The following PLEKHH1 variants were observed in gnomAD, a reference collection of about 807,000 sequenced individuals.
PLEKHH1 encodes the protein pleckstrin homology domain-containing family H member 1.
In PLEKHH1, 104 loss-of-function variants were observed where a neutral mutation model predicts 160.0. The observed-to-expected ratio is 0.65, with a 90% CI of 0.55 to 0.76. The LOEUF (loss-of-function observed/expected upper bound fraction) is 0.76. Among genes scored for constraint, PLEKHH1 ranks in the 30% least tolerant of loss-of-function variants. The pLI, the probability that PLEKHH1 is intolerant of heterozygous loss-of-function variation, is 0.00. For synonymous variants in PLEKHH1, 619 were observed against 678.4 expected (o/e 0.91, Z 1.36); for missense variants, 1,427 against 1,724.1 (o/e 0.83, Z 3.05).
At chr14:67,570,090 G>T in intron 9 of PLEKHH1, 78 bp downstream of exon 9, 1 of 1,016,306 alleles carries the variant, frequency 9.8e-7, no homozygotes, top group Admixed American at 2.0e-5. Flanking sequence ...CTGGGGCGGG[G>T]CTCTAGGGCC....
intron 25 of PLEKHH1, 34 bp downstream of exon 25, chr14:67,583,917 T>C (rs780410714): frequency 2.0e-5 from 33 of 1,611,750 alleles, no homozygotes; most frequent in Non-Finnish European, 2.7e-5. Context: ...AGCAAGTCAC[T>C]GTGGGGAGGT....
rs1446142710 is a variant in PLEKHH1 at position 67,588,063 on chromosome 14, TTGGTA to T, written c.*829_*833del. ...TTTCCCCATTATTGGTATGTAGGCA[TTGGTA>T]CAGCCCCTTCTGGGGCAGTCTTTGC... On this transcript the variant is annotated 3_prime_UTR_variant, in exon 29 of 29. Coordinates refer to ENST00000329153, the MANE Select transcript of PLEKHH1 (RefSeq NM_020715.3). The T allele has an allele frequency of 3.9e-5, 6 of 152,590 alleles. No homozygotes were observed. The highest frequency in any genetic ancestry group is 7.3e-5 in the Non-Finnish European group (5 of 68,046). 9.5% of individuals were successfully genotyped at this position (152,590 alleles called of 1,614,324 possible).
intron 2 of PLEKHH1, among the ~76,000 whole-genome samples, chr14:67,547,087 T>C (rs2034211170): frequency 6.6e-6 from 1 of 152,122 alleles, no homozygotes; most frequent in African/African-American, 2.4e-5. Context: ...CAAGTCTGTC[T>C]CTGATCCTCA....
At position 67,585,572 on chromosome 14, in the gene PLEKHH1, C is replaced by T; in HGVS notation, c.3704C>T (p.Ala1235Val). 1.3e-6 allele frequency: 2 copies of T among 1,576,784 alleles called. No individual in the cohort carries two copies. The highest frequency in any genetic ancestry group is 8.6e-7 in the Non-Finnish European group (1 of 1,159,562). ...GGGTTGTTTCTGTTTCCCCAGCCTG[C>T]CCAGCTGTCTTCCAAGGAGAACGCT... ...FGAKLFAAQP[A>V]QLSSKENALV... The change falls in exon 27 of 29, where the codon GCC becomes GTC. Residue 1235 changes from alanine (A) to valine (V), a missense_variant. Around this residue, in one of 6 missense-constraint regions of PLEKHH1, gnomAD observed 56 missense variants for 53.0 expected, o/e 1.06. Coordinates refer to ENST00000329153, the MANE Select transcript of PLEKHH1 (RefSeq NM_020715.3).
chr14:67,557,184 A>G, intron 3 of PLEKHH1, 85 bp from the exon 4 acceptor site: 1 of 1,118,604 alleles, frequency 8.9e-7, no homozygotes, highest in Middle Eastern at 2.0e-4. Flanking sequence ...CTGGGGCATC[A>G]GACGGTGTCC....
At chr14:67,566,943 G>A (rs1359662398) in intron 7 of PLEKHH1, among the ~76,000 whole-genome samples, 2 of 152,056 alleles carry the variant, frequency 1.3e-5, no homozygotes, top group African/African-American at 4.8e-5. Context: ...AGGTATTAAG[G>A]GGATTAAGGT....
chr14:67,534,173 A>G (rs1444148887), intron 1 of PLEKHH1, among the ~76,000 whole-genome samples: 3 of 152,228 alleles, frequency 2.0e-5, no homozygotes, highest in Admixed American at 1.3e-4. Flanking sequence ...TATGTGACAG[A>G]CACTGTGTAT....
At chr14:67,556,900 C>T (rs968557953) in intron 3 of PLEKHH1, among the ~76,000 whole-genome samples, 16 of 152,090 alleles carry the variant, frequency 1.1e-4, no homozygotes, top group Admixed American at 7.9e-4. Context: ...ATCTCTACCA[C>T]GGTGGGGTTG....
At chr14:67,549,678 AT>A (rs986236727) in intron 2 of PLEKHH1, among the ~76,000 whole-genome samples, 33 of 152,298 alleles carry the variant, frequency 2.2e-4, no homozygotes, top group African/African-American at 7.5e-4. Flanking sequence ...CTCGTGAACC[AT>A]TTGAGAAGGG....
In PLEKHH1 at chr14:67,582,318, G is replaced by T; in HGVS notation, c.3426+108G>T. On this transcript the variant is annotated intron_variant, in intron 24 of 28. Coordinates refer to ENST00000329153, the MANE Select transcript of PLEKHH1 (RefSeq NM_020715.3). This position sits in a 1 kb window ranked among gnomAD's most constrained non-coding sequence, Gnocchi z 5.0. ...TCTGCAGATCCTGTGGTGCTCAGGA[G>T]AGGGCAGCTTTGCCATCTCTGGGAT... 6.4e-7 allele frequency: 1 copy of T among 1,566,248 alleles called. No homozygotes were observed.
At chr14:67,580,393 C>A in intron 22 of PLEKHH1, 1 of 166,594 alleles carries the variant, frequency 6.0e-6, no homozygotes, top group South Asian at 1.6e-4. Flanking sequence ...GTATTGTGGT[C>A]TGGGATTACT....
At chr14:67,550,460 A>G (rs546846480) in intron 2 of PLEKHH1, among the ~76,000 whole-genome samples, 5 of 152,344 alleles carry the variant, frequency 3.3e-5, no homozygotes, top group African/African-American at 1.2e-4. Context: ...AAGTGTTTGG[A>G]TTACAGGCGT....
intron 1 of PLEKHH1, among the ~76,000 whole-genome samples, chr14:67,533,967 C>T (rs2033588348): frequency 6.6e-6 from 1 of 152,038 alleles, no homozygotes. Flanking sequence ...GGTGAAGAGC[C>T]TCATCTGGAA....
At position 67,575,862 on chromosome 14, in the gene PLEKHH1, G is replaced by A; in HGVS notation, c.2209G>A (p.Glu737Lys). 6.2e-7 allele frequency: 1 copy of A among 1,613,996 alleles called. No individual in the cohort carries two copies. The highest frequency in any genetic ancestry group is 8.5e-7 in the Non-Finnish European group (1 of 1,179,876). The change falls in exon 16 of 29, where the codon GAG (glutamate) becomes AAG (lysine). Residue 737 changes from glutamate (E) to lysine (K), a missense_variant. Coordinates refer to ENST00000329153, the MANE Select transcript of PLEKHH1 (RefSeq NM_020715.3). ...GCLPVRDAHI[E>K]EVDRSCDSDE... ...CCTGCCTGTGCGGGATGCGCACATA[G>A]AGGAAGTAGATCGATCCTGTGACTC...
intron 22 of PLEKHH1, 136 bp from the exon 23 acceptor site, chr14:67,580,802 G>C: frequency 3.3e-6 from 2 of 609,518 alleles, no homozygotes; most frequent in Non-Finnish European, 5.9e-6. Flanking sequence ...ATGAAGCTCC[G>C]CAGGTCAGCC....
chr14:67,562,056 A>G, intron 6 of PLEKHH1, 21 bp downstream of exon 6: 1 of 1,611,514 alleles, frequency 6.2e-7, no homozygotes, highest in Non-Finnish European at 8.5e-7. Flanking sequence ...CAGGGTGTGC[A>G]GGTGTGCAGT....
At chr14:67,586,533 T>G in intron 28 of PLEKHH1, 1 of 717,118 alleles carries the variant, frequency 1.4e-6, no homozygotes, top group South Asian at 1.4e-5. Context: ...TGCTCCCTCT[T>G]CCTTGTTGTG....
rs975169849 is a variant in PLEKHH1, at chr14:67,573,194, A to G, written c.1729-82A>G. The G allele has an allele frequency of 1.9e-5, 16 of 824,502 alleles. No individual in the cohort carries two copies. In the African/African-American group the frequency reaches 2.3e-4, roughly 12 times the overall value. 51.1% of individuals were successfully genotyped at this position (824,502 alleles called of 1,614,324 possible). ...TTAATTGATGACCGAGTAGTGAGGC[A>G]GCTGGACCACTTGGACCTGTGTGAT... On this transcript the variant is annotated intron_variant, in intron 11 of 28. Coordinates refer to ENST00000329153, the MANE Select transcript of PLEKHH1 (RefSeq NM_020715.3). The surrounding 1 kb of genome is among the most constrained non-coding windows in gnomAD (Gnocchi z 4.8).
Position 67,578,498 on chromosome 14 carries a change from C to T in PLEKHH1, c.2752-36C>T, listed in dbSNP as rs779894313. 6 of 1,384,688 alleles carry T rather than the reference C, an allele frequency of 4.3e-6. No individual in the cohort carries two copies. Among genetic ancestry groups the T allele is most frequent in the South Asian group, 1.2e-5 (1 of 82,914 alleles). The allele number at this position is 1,384,688 out of a possible 1,614,324, so 85.8% of individuals were successfully genotyped here. A position where few individuals can be genotyped will look rare whatever the true frequency, so the allele number is the denominator to read the frequency against. On this transcript the variant is annotated intron_variant, in intron 19 of 28. Coordinates refer to ENST00000329153, the MANE Select transcript of PLEKHH1 (RefSeq NM_020715.3). The surrounding 1 kb of genome is among the most constrained non-coding windows in gnomAD (Gnocchi z 5.0). ...TATGAGGACAGGTGGTGCTGTAGGC[C>T]CAGCACTCACCCCACGCTGTCTGTG...
Sources: allele counts gnomAD v4.1 joint callset (sites outside exome capture counted in the v4.1 genomes callset), GRCh38; gene constraint gnomAD v4.1.1; regional missense constraint gnomAD v4.1.1; non-coding constraint Gnocchi (gnomAD v3.1); transcripts MANE v1.5; gene names NCBI Gene and HGNC (gene_info 2026-07-23, HGNC 2026-07-21).